EHBP1L1: variants seen among roughly 807,000 people sequenced by gnomAD.
EHBP1L1 encodes EH domain-binding protein 1-like protein 1.
EHBP1L1 carries 122 observed loss-of-function variants against 151.1 expected under a neutral mutation model. The observed-to-expected ratio is 0.81, with a 90% CI of 0.70 to 0.94. EHBP1L1 has a LOEUF of 0.94. Ranked by LOEUF, EHBP1L1 falls within the 40% of genes least tolerant of loss-of-function variation. The pLI, the probability that EHBP1L1 is intolerant of heterozygous loss-of-function variation, is 0.00. For missense variants in EHBP1L1, 1,941 were observed against 1,959.8 expected (o/e 0.99, Z 0.18); for synonymous variants, 878 against 810.1 (o/e 1.08, Z -1.42).
Position 65,589,936 on chromosome 11 carries a change from G to T in EHBP1L1, c.4004G>T (p.Gly1335Val). 6.4e-7 allele frequency: 1 copy of T among 1,562,966 alleles called. No homozygotes were observed. The highest frequency in any genetic ancestry group is 8.7e-7 in the Non-Finnish European group (1 of 1,150,796). ...PTAADSQQPP[G>V]GSSPSEEPPP... ...GCCTTATCATCATCTCTGTCTGCAG[G>T]TGGGAGTTCCCCCTCGGAGGAACCA... The change falls in exon 14 of 19, where the codon GGT becomes GTT. Residue 1335 changes from glycine to valine, a missense_variant and splice_region_variant. Gly to Val is a moderately radical substitution (Grantham distance 109). Transcript: ENST00000309295.
rs1448061941 is a variant in EHBP1L1 at position 65,581,943 on chromosome 11, T to C, written c.1271T>C (p.Val424Ala). The C allele has an allele frequency of 6.2e-7, 1 of 1,613,632 alleles. No individual in the cohort carries two copies. The highest frequency in any genetic ancestry group is 8.5e-7 in the Non-Finnish European group (1 of 1,179,786). Residue 424 changes from valine to alanine, a missense_variant, in exon 9 of 19, where the codon GTG becomes GCG. Val to Ala is a moderately conservative substitution (Grantham distance 64, BLOSUM62 0). Transcript: ENST00000309295. Reference protein sequence around the residue: ...EAEESSAVCQVDAEQRSKVRH... With the variant: ...EAEESSAVCQADAEQRSKVRH... Reference sequence around the variant, plus strand: ...GAAGAGAGTTCAGCAGTTTGTCAAGTGGATGCTGAGCAGAGGTCAAAGGTG... The same window carrying C: ...GAAGAGAGTTCAGCAGTTTGTCAAGCGGATGCTGAGCAGAGGTCAAAGGTG...
chr11:65,592,287 C>T lies in EHBP1L1; in HGVS notation c.4557C>T (p.Arg1519=), dbSNP rs1359002445. Residue 1519 remains arginine, a synonymous_variant, in exon 19 of 19, where the codon CGC becomes CGT. Transcript: ENST00000309295. Reference sequence around the variant, plus strand: ...GCCGGCAGTTGAGCCGGCGGGAGCGCTGCGTGCTGAGCTGAGGCCGCCGGC... The same window carrying T: ...GCCGGCAGTTGAGCCGGCGGGAGCGTTGCGTGCTGAGCTGAGGCCGCCGGC... ...KLSRQLSRRE[R]CVLS The T allele has an allele frequency of 9.2e-6, 14 of 1,528,528 alleles. No individual in the cohort carries two copies. The highest frequency in any genetic ancestry group is 1.4e-5 in the African/African-American group (1 of 72,656). The allele number at this position is 1,528,528 out of a possible 1,614,324, so 94.7% of individuals were successfully genotyped here.
rs748989277 is a variant in EHBP1L1, at chr11:65,580,183, C to A, written c.415C>A (p.Pro139Thr). ...AGTCCCAGTGAGGCTGCGGCTGAAG[C>A]CAAAGTCAGTGAAGGTGGTGCAGGC... ...VQVPVRLRLKPKSVKVVQAEL... is the reference protein window; with the variant it reads ...VQVPVRLRLKTKSVKVVQAEL... The change falls in exon 5 of 19, where the codon CCA (proline) becomes ACA (threonine). Residue 139 changes from proline (P) to threonine (T), a missense_variant. Pro to Thr is a conservative substitution (Grantham distance 38). Coordinates refer to ENST00000309295, the MANE Select transcript of EHBP1L1 (RefSeq NM_001099409.3). 1.2e-6 allele frequency: 2 copies of A among 1,613,496 alleles called. No individual in the cohort carries two copies. Among genetic ancestry groups the A allele is most frequent in the Admixed American group, 1.7e-5 (1 of 60,006 alleles).
chr11:65,580,990 G>C (rs990399840), intron 6 of EHBP1L1, 68 bp from the exon 7 acceptor site: 1 of 1,533,422 alleles, frequency 6.5e-7, no homozygotes, highest in Non-Finnish European at 8.8e-7. Context: ...AGTTGGGGGA[G>C]GGGGTCAGGC....
intron 3 of EHBP1L1, 83 bp from the exon 4 acceptor site, chr11:65,579,853 C>A: frequency 6.9e-7 from 1 of 1,451,254 alleles, no homozygotes; most frequent in Non-Finnish European, 9.5e-7. Context: ...CCACCACTAC[C>A]AAGCACCTCC....
At position 65,580,131 on chromosome 11, in the gene EHBP1L1, C is replaced by G; in HGVS notation, c.363C>G (p.Ala121=). ...KVLATAEVDL[A]RHAGPVPVQV... ...TGGCCACGGCCGAGGTGGACCTGGC[C>G]CGCCATGCAGGGCCCGTGCCTGTCC... Residue 121 remains alanine (A), a synonymous_variant, in exon 5 of 19, where the codon GCC becomes GCG. Transcript: ENST00000309295. 8 of 1,613,604 alleles carry G rather than the reference C, an allele frequency of 5.0e-6. No individual in the cohort carries two copies. Among genetic ancestry groups the G allele is most frequent in the Non-Finnish European group, 6.8e-6 (8 of 1,179,808 alleles).
chr11:65,583,032 C>T lies in EHBP1L1; in HGVS notation c.2360C>T (p.Pro787Leu). ...ATAGCATCTAGGGATTCAGGGGTCC[C>T]AGGGTTAGAAGCTGATACAACAGGG... is the stretch of plus-strand genomic sequence containing the variant. The part of the protein sequence containing the change: ...QEIASRDSGV[P>L]GLEADTTGIQ... The change falls in exon 9 of 19, where the codon CCA (proline) becomes CTA (leucine). Residue 787 changes from proline to leucine, a missense_variant. Pro to Leu is a moderately conservative substitution (Grantham distance 98, BLOSUM62 -3). Coordinates refer to ENST00000309295, the MANE Select transcript of EHBP1L1 (RefSeq NM_001099409.3). 7 of 1,612,890 alleles carry T rather than the reference C, an allele frequency of 4.3e-6. No homozygotes were observed. The highest frequency in any genetic ancestry group is 5.1e-6 in the Non-Finnish European group (6 of 1,179,484).
Position 65,585,249 on chromosome 11 carries a change from A to G in EHBP1L1, c.3591A>G (p.Ala1197=). 9.1e-7 allele frequency: 1 copy of G among 1,101,604 alleles called. No homozygotes were observed. Among genetic ancestry groups the G allele is most frequent in the Non-Finnish European group, 1.1e-6 (1 of 904,534 alleles). 68.2% of individuals were successfully genotyped at this position (1,101,604 alleles called of 1,614,324 possible). A position where few individuals can be genotyped will look rare whatever the true frequency, so the allele number is the denominator to read the frequency against. Residue 1197 remains alanine, a synonymous_variant, in exon 12 of 19, where the codon GCA becomes GCG. Coordinates refer to ENST00000309295, the MANE Select transcript of EHBP1L1 (RefSeq NM_001099409.3). This position sits in a 1 kb window ranked among gnomAD's most constrained non-coding sequence, Gnocchi z 4.0. ...AEGPQEPKEA[A]DRADGAAPGV... ...GGCCCCAGGAGCCCAAGGAGGCCGC[A>G]GACCGCGCAGACGGGGCGGCCCCGG...
At position 65,580,393 on chromosome 11, in the gene EHBP1L1, G is replaced by A; in HGVS notation, c.548G>A (p.Gly183Asp). The A allele has an allele frequency of 7.4e-6, 12 of 1,613,788 alleles. No homozygotes were observed. The highest frequency in any genetic ancestry group is 1.0e-5 in the Non-Finnish European group (12 of 1,179,870). The change falls in exon 6 of 19, where the codon GGC becomes GAC. Residue 183 changes from glycine to aspartate, a missense_variant. Physicochemically the swap from Gly to Asp is moderately conservative, Grantham distance 94. Transcript: ENST00000309295. Reference sequence around the variant, plus strand: ...ATGAGTGTGAAGCCTAGTGATGTGGGCAACTTGGATGACTTTGCTGAGAGT... The same window carrying A: ...ATGAGTGTGAAGCCTAGTGATGTGGACAACTTGGATGACTTTGCTGAGAGT... ...SLMSVKPSDV[G>D]NLDDFAESDE... is the part of the protein sequence containing the mutation.
In EHBP1L1 at chr11:65,583,071, A is replaced by T. The variant is rs1160375333; in HGVS notation, c.2399A>T (p.Glu800Val). Reference sequence around the variant, plus strand: ...GATACAACAGGGATCCAGGTGAAAGAGGTTGGGGGTTCAGAGGTTCCAGAG... The same window carrying T: ...GATACAACAGGGATCCAGGTGAAAGTGGTTGGGGGTTCAGAGGTTCCAGAG... ...EADTTGIQVKEVGGSEVPEIA... is the reference protein window; with the variant it reads ...EADTTGIQVKVVGGSEVPEIA... The change falls in exon 9 of 19, where the codon GAG (glutamate) becomes GTG (valine). Residue 800 changes from glutamate to valine, a missense_variant. Physicochemically the swap from Glu to Val is moderately radical, Grantham distance 121. Transcript: ENST00000309295. 2 of 1,613,278 alleles carry T rather than the reference A, an allele frequency of 1.2e-6. No individual in the cohort carries two copies. The highest frequency in any genetic ancestry group is 8.5e-7 in the Non-Finnish European group (1 of 1,179,708).
At position 65,584,991 on chromosome 11, in the gene EHBP1L1, G is replaced by A; in HGVS notation, c.3333G>A (p.Ser1111=). 5.2e-6 allele frequency: 8 copies of A among 1,534,404 alleles called. No homozygotes were observed. The highest frequency in any genetic ancestry group is 2.4e-5 in the South Asian group (2 of 83,958). Residue 1111 remains serine, a synonymous_variant, in exon 12 of 19, where the codon TCG becomes TCA. Coordinates refer to ENST00000309295, the MANE Select transcript of EHBP1L1 (RefSeq NM_001099409.3). ...AFDGFAALGV[S]RLLEPADMVL... ...ATGGCTTCGCGGCTCTGGGCGTGTC[G>A]CGGCTGCTGGAGCCCGCGGACATGG...
At chr11:65,579,561 T>A in intron 3 of EHBP1L1, 125 bp downstream of exon 3, 4 of 584,700 alleles carry the variant, frequency 6.8e-6, no homozygotes, top group Non-Finnish European at 5.3e-6. Flanking sequence ...AGGCCAAGAA[T>A]TAGGGGGGCC....
intron 11 of EHBP1L1, 51 bp from the exon 12 acceptor site, chr11:65,584,908 G>C (rs1026337161): frequency 2.6e-6 from 4 of 1,524,552 alleles, no homozygotes; most frequent in African/African-American, 2.8e-5. Flanking sequence ...CAGCGTTGCC[G>C]GGTGGCGCGG....
chr11:65,584,388 C>G lies in EHBP1L1; in HGVS notation c.3241C>G (p.Pro1081Ala), dbSNP rs758299186. The G allele has an allele frequency of 1.2e-6, 2 of 1,612,900 alleles. No individual in the cohort carries two copies. Among genetic ancestry groups the G allele is most frequent in the Non-Finnish European group, 8.5e-7 (1 of 1,179,326 alleles). ...AFCAILHRFY[P>A]DKIDYASLDP... Reference sequence around the variant, plus strand: ...CTGTGCCATCCTGCACCGATTCTACCCAGACAAGATGTGAGCTGCCAGAGG... The same window carrying G: ...CTGTGCCATCCTGCACCGATTCTACGCAGACAAGATGTGAGCTGCCAGAGG... The change falls in exon 10 of 19, where the codon CCA becomes GCA. Residue 1081 changes from proline (P) to alanine (A), a missense_variant. By Grantham distance (27) the Pro-to-Ala change is conservative. Transcript: ENST00000309295.
At chr11:65,587,363 C>T (rs984678977) in intron 12 of EHBP1L1, among the ~76,000 whole-genome samples, 4 of 148,862 alleles carry the variant, frequency 2.7e-5, no homozygotes, top group Non-Finnish European at 5.9e-5. Flanking sequence ...CAGAGCAAGA[C>T]TCCGTCTCAA....
At chr11:65,581,454 G>T (rs1857606110) in intron 8 of EHBP1L1, 81 bp downstream of exon 8, 4 of 1,427,578 alleles carry the variant, frequency 2.8e-6, no homozygotes, top group South Asian at 1.4e-5. Flanking sequence ...TGCCTCCAGG[G>T]CCCCAACAGT....
rs746914125 is a variant in EHBP1L1, at chr11:65,585,465, C to T, written c.3807C>T (p.Arg1269=). The change falls in exon 12 of 19, where the codon CGC becomes CGT. Residue 1269 remains arginine (R), a synonymous_variant. Transcript: ENST00000309295. The surrounding 1 kb of genome is among the most constrained non-coding windows in gnomAD (Gnocchi z 4.0). ...AGCCCGGGTCGGTGCCCCCGCCCCGCGCGCACGGCTCCTTCTCCCACGTGC... is the reference window on the plus strand; with the variant it reads ...AGCCCGGGTCGGTGCCCCCGCCCCGTGCGCACGGCTCCTTCTCCCACGTGC... ...NGEPGSVPPP[R]AHGSFSHVRD... The T allele has an allele frequency of 2.0e-5, 30 of 1,531,492 alleles. No individual in the cohort carries two copies. The South Asian group carries it at 2.7e-4, about 14-fold the overall frequency. 94.9% of individuals were successfully genotyped at this position (1,531,492 alleles called of 1,614,324 possible). A position where few individuals can be genotyped will look rare whatever the true frequency, so the allele number is the denominator to read the frequency against.
Position 65,589,807 on chromosome 11 carries a change from TCAA to T in EHBP1L1, c.3993_3995del (p.Gln1332del). ...CAGGCCCACCCACAGCTGCAGACTC[TCAA>T]CAGCCCCCTGGTGAGTAGCAGGAGT... On this transcript the variant is annotated inframe_deletion, in exon 13 of 19. Coordinates refer to ENST00000309295, the MANE Select transcript of EHBP1L1 (RefSeq NM_001099409.3). 7 of 1,563,746 alleles carry T rather than the reference TCAA, an allele frequency of 4.5e-6. No homozygotes were observed. The highest frequency in any genetic ancestry group is 6.1e-6 in the Non-Finnish European group (7 of 1,154,162).
At chr11:65,576,734 G>A (rs1380391012) in intron 1 of EHBP1L1, among the ~76,000 whole-genome samples, 1 of 152,140 alleles carries the variant, frequency 6.6e-6, no homozygotes, top group African/African-American at 2.4e-5. Flanking sequence ...GGTTCAGGGT[G>A]GCATTGGAAA....
Sources: gnomAD v4.1 joint callset for allele counts (sites outside exome capture counted in the v4.1 genomes callset) on GRCh38, gnomAD v4.1.1 for gene constraint, Gnocchi (gnomAD v3.1) non-coding constraint, MANE v1.5 for transcripts, NCBI Gene and HGNC (gene_info 2026-07-23, HGNC 2026-07-21) for gene names.